The following EIF5B variants were observed in gnomAD, a reference collection of about 807,000 sequenced individuals.
The protein encoded by EIF5B is eIF-5B.
Under a neutral mutation model 147.5 loss-of-function variants are expected in EIF5B, and 47 were observed. That is an observed-to-expected ratio of 0.32 (90% CI 0.25 to 0.41). EIF5B has a LOEUF of 0.41. Among genes scored for constraint, EIF5B ranks in the 10% least tolerant of loss-of-function variants. The probability of loss-of-function intolerance (pLI) is 1.00; values close to 1 mark genes in which losing one functional copy is unlikely to be tolerated. For synonymous variants in EIF5B, 455 were observed against 456.2 expected (o/e 1.00, Z 0.03); for missense variants, 1,064 against 1,413.2 (o/e 0.75, Z 3.96).
intron 1 of EIF5B, among the ~76,000 whole-genome samples, chr2:99,340,946 G>A (rs2094258131): frequency 6.6e-6 from 1 of 152,042 alleles, no homozygotes; most frequent in Admixed American, 6.6e-5. Flanking sequence ...TGTGTTTTTA[G>A]TAGGGACAGG....
At position 99,394,893 on chromosome 2, in the gene EIF5B, T is replaced by A; in HGVS notation, c.3254+10T>A. 1 of 1,556,208 alleles carries A rather than the reference T, an allele frequency of 6.4e-7. No homozygotes were observed. Among genetic ancestry groups the A allele is most frequent in the Non-Finnish European group, 8.7e-7 (1 of 1,146,884 alleles). On this transcript the variant is annotated intron_variant, in intron 21 of 23. Transcript: ENST00000289371. ...AACAAGAAGAATTTAAGTAAGTTAC[T>A]GTTTTTATTTACTTTGAGTCTTTGT... is the stretch of plus-strand genomic sequence containing the variant.
rs372074705 is a variant in EIF5B at position 99,356,766 on chromosome 2, TTTC to T, written c.36-3467_36-3465del. On this transcript the variant is annotated intron_variant, in intron 1 of 23. Transcript: ENST00000289371. ...CCTGCCCCAGAATCAGCCATTTTGC[TTTC>T]TTACCAGGAATTGGTATTGTCAGTT... Among the ~76,000 whole-genome samples, 89 of 152,330 alleles carry T rather than the reference TTTC, an allele frequency of 5.8e-4. 1 individual carries two copies. In the East Asian group the frequency reaches 0.013, roughly 22 times the overall value.
At chr2:99,373,096 T>G (rs541217956) in intron 9 of EIF5B, among the ~76,000 whole-genome samples, 2 of 152,222 alleles carry the variant, frequency 1.3e-5, no homozygotes, top group Middle Eastern at 3.2e-3. Flanking sequence ...ATCATTGATA[T>G]ATATATTTCT....
chr2:99,337,496 C>T lies in EIF5B; in HGVS notation c.-59C>T, dbSNP rs138694732. The T allele has an allele frequency of 7.0e-3, 11,102 of 1,590,734 alleles. 54 individuals are homozygous for T. Among genetic ancestry groups the T allele is most frequent in the Non-Finnish European group, 8.6e-3 (10,079 of 1,168,118 alleles). Reference sequence around the variant, plus strand: ...GCGGAGACCAAAGTCAGCCGGGAGACAGTGGGTCTGTGAGAGACCGAATAG... The same window carrying T: ...GCGGAGACCAAAGTCAGCCGGGAGATAGTGGGTCTGTGAGAGACCGAATAG... On this transcript the variant is annotated 5_prime_UTR_variant, in exon 1 of 24. Coordinates refer to ENST00000289371, the MANE Select transcript of EIF5B (RefSeq NM_015904.4).
At chr2:99,383,191 A>T (rs1456483707) in intron 14 of EIF5B, among the ~76,000 whole-genome samples, 2 of 151,892 alleles carry the variant, frequency 1.3e-5, no homozygotes, top group Non-Finnish European at 2.9e-5. Flanking sequence ...TTCTTGTCAC[A>T]TTTTGTTAAT....
At chr2:99,392,640 CATTT>C (rs1274849636) in intron 17 of EIF5B, among the ~76,000 whole-genome samples, 3 of 152,056 alleles carry the variant, frequency 2.0e-5, no homozygotes, top group Admixed American at 1.3e-4. Context: ...GTTTATTGGC[CATTT>C]ATTTCCTCCT....
intron 1 of EIF5B, among the ~76,000 whole-genome samples, chr2:99,353,504 G>C: frequency 6.6e-6 from 1 of 152,130 alleles, no homozygotes; most frequent in East Asian, 1.9e-4. Context: ...TTATATTCAG[G>C]TTTGCCGAGT....
rs1017652745 is a variant in EIF5B at position 99,398,997 on chromosome 2, G to C, written c.3555+88G>C. ...TGTACCTGTAGCTCCTTGGGCTTCA[G>C]TTTGATTGTAGAATCTGATGGGACT... On this transcript the variant is annotated intron_variant, in intron 23 of 23. Coordinates refer to ENST00000289371, the MANE Select transcript of EIF5B (RefSeq NM_015904.4). 50 of 1,447,160 alleles carry C rather than the reference G, an allele frequency of 3.5e-5. No homozygotes were observed. The African/African-American group carries it at 6.9e-4, about 20-fold the overall frequency. The allele number at this position is 1,447,160 out of a possible 1,614,324, so 89.6% of individuals were successfully genotyped here. A position where few individuals can be genotyped will look rare whatever the true frequency, so the allele number is the denominator to read the frequency against.
At chr2:99,351,644 C>T (rs7599384) in intron 1 of EIF5B, among the ~76,000 whole-genome samples, 126,640 of 152,142 alleles carry the variant, frequency 0.83, 53,270 homozygotes, top group Middle Eastern at 0.98. Context: ...TACCAATCTT[C>T]AATTTTAGGA....
intron 9 of EIF5B, among the ~76,000 whole-genome samples, chr2:99,373,345 G>A (rs1456873480): frequency 6.6e-6 from 1 of 152,198 alleles, no homozygotes; most frequent in Non-Finnish European, 1.5e-5. Context: ...TTGGTGCCTG[G>A]TAAAGGCTGC....
intron 12 of EIF5B, among the ~76,000 whole-genome samples, chr2:99,380,422 A>G (rs975287903): frequency 2.0e-5 from 3 of 152,214 alleles, no homozygotes; most frequent in Admixed American, 6.5e-5. Context: ...CATTTCAGTT[A>G]TTATTGTGCT....
At position 99,337,507 on chromosome 2, in the gene EIF5B, T is replaced by C. The variant is rs780676247; in HGVS notation, c.-48T>C. 1 of 1,601,828 alleles carries C rather than the reference T, an allele frequency of 6.2e-7. No homozygotes were observed. Among genetic ancestry groups the C allele is most frequent in the East Asian group, 2.3e-5 (1 of 44,066 alleles). On this transcript the variant is annotated 5_prime_UTR_variant, in exon 1 of 24. Transcript: ENST00000289371. ...AGTCAGCCGGGAGACAGTGGGTCTG[T>C]GAGAGACCGAATAGAGGGGCTGGGG...
At chr2:99,358,724 A>T (rs146173884) in intron 1 of EIF5B, among the ~76,000 whole-genome samples, 74 of 152,132 alleles carry the variant, frequency 4.9e-4, no homozygotes, top group Non-Finnish European at 9.4e-4. Flanking sequence ...AGGCTTTTGT[A>T]CTTACTGTGT....
intron 14 of EIF5B, among the ~76,000 whole-genome samples, chr2:99,385,226 G>A (rs1369006953): frequency 1.3e-5 from 2 of 152,082 alleles, no homozygotes; most frequent in Non-Finnish European, 2.9e-5. Context: ...TTTTATTTTT[G>A]GTAGAGATGG....
rs1675126334 is a variant in EIF5B, at chr2:99,398,752, T to A, written c.3398T>A (p.Val1133Asp). The A allele has an allele frequency of 6.2e-7, 1 of 1,608,740 alleles. No individual in the cohort carries two copies. The highest frequency in any genetic ancestry group is 8.5e-7 in the Non-Finnish European group (1 of 1,178,228). The stretch of plus-strand genomic sequence containing the variant: ...TAATTTGTTCTTATTTTATAGTTTG[T>A]TGACATCGGAATAGTAACAAGTATT... ...TPMCVPSKNF[V>D]DIGIVTSIEI... The change falls in exon 23 of 24, where the codon GTT (valine) becomes GAT (aspartate). Residue 1133 changes from valine to aspartate, a missense_variant. Around this residue, in one of 4 missense-constraint regions of EIF5B, gnomAD observed 380 missense variants for 715.6 expected, o/e 0.53. Coordinates refer to ENST00000289371, the MANE Select transcript of EIF5B (RefSeq NM_015904.4).
At chr2:99,350,619 T>G (rs1019111258) in intron 1 of EIF5B, among the ~76,000 whole-genome samples, 1 of 152,194 alleles carries the variant, frequency 6.6e-6, no homozygotes, top group African/African-American at 2.4e-5. Flanking sequence ...GCTTTTTTGC[T>G]ATTGTTGTTT....
chr2:99,362,138 T>TA (rs1468823615), intron 4 of EIF5B, among the ~76,000 whole-genome samples: 1 of 152,264 alleles, frequency 6.6e-6, no homozygotes, highest in Non-Finnish European at 1.5e-5. Context: ...TCCTTTCTGA[T>TA]AACTCAGTGT....
At chr2:99,393,183 A>G in intron 18 of EIF5B, 85 bp downstream of exon 18, 3 of 1,264,156 alleles carry the variant, frequency 2.4e-6, no homozygotes, top group East Asian at 2.8e-5. Flanking sequence ...GATGGTGACC[A>G]AAACTGGCTT....
chr2:99,360,554 AAGAC>A lies in EIF5B; in HGVS notation c.246+10_246+13del. On this transcript the variant is annotated splice_donor_region_variant and intron_variant, in intron 3 of 23. Coordinates refer to ENST00000289371, the MANE Select transcript of EIF5B (RefSeq NM_015904.4). ...AGAGAAACTGTTGCAGTGAAGGTGA[AAGAC>A]AGACCTTTGTTACCTATTCGTATTT... 2 of 1,610,392 alleles carry A rather than the reference AAGAC, an allele frequency of 1.2e-6. No individual in the cohort carries two copies. Among genetic ancestry groups the A allele is most frequent in the Middle Eastern group, 1.7e-4 (1 of 6,054 alleles).
Sources: gnomAD v4.1 joint callset for allele counts (sites outside exome capture counted in the v4.1 genomes callset) on GRCh38, gnomAD v4.1.1 for gene constraint, gnomAD v4.1.1 regional missense constraint, MANE v1.5 for transcripts, NCBI Gene and HGNC (gene_info 2026-07-23, HGNC 2026-07-21) for gene names.